The following RGS9 variants were observed in gnomAD, a reference collection of about 807,000 sequenced individuals.
The protein encoded by RGS9 is regulator of G-protein signalling 9.
A neutral mutation model predicts 102.0 loss-of-function variants in RGS9; 78 were observed. That is an observed-to-expected ratio of 0.76 (90% CI 0.64 to 0.92). The LOEUF (loss-of-function observed/expected upper bound fraction) is 0.92, where lower values mean the gene tolerates loss of function less well. Ranked by LOEUF, RGS9 falls within the 40% of genes least tolerant of loss-of-function variation. The pLI, the probability that RGS9 is intolerant of heterozygous loss-of-function variation, is 0.00. For missense variants in RGS9, 833 were observed against 866.1 expected, an observed-to-expected ratio of 0.96 and a Z score of 0.48; for synonymous variants, 353 against 318.6, an observed-to-expected ratio of 1.11 and a Z score of -1.15.
At chr17:65,157,748 T>C (rs545419185) in intron 2 of RGS9, among the ~76,000 whole-genome samples, 1 of 152,020 alleles carries the variant, frequency 6.6e-6, no homozygotes, top group Non-Finnish European at 1.5e-5. Flanking sequence ...AGGTTCAAGT[T>C]TAGAAGTTTC....
At chr17:65,186,144 G>T (rs16960906) in intron 9 of RGS9, among the ~76,000 whole-genome samples, 2,733 of 151,842 alleles carry the variant, frequency 0.018, 85 homozygotes, top group African/African-American at 0.062. Context: ...TACGGCTCTA[G>T]TTCACTTTTG....
At chr17:65,210,353 A>C in intron 16 of RGS9, 135 bp from the exon 17 acceptor site, 1 of 1,092,612 alleles carries the variant, frequency 9.2e-7, no homozygotes, top group Non-Finnish European at 1.4e-6. Context: ...ACCCCACTGG[A>C]GGTTCACTGG....
At position 65,210,508 on chromosome 17, in the gene RGS9, G is replaced by A. The variant is rs775121915; in HGVS notation, c.1310G>A (p.Arg437Gln). 8.7e-6 allele frequency: 14 copies of A among 1,613,360 alleles called. No individual in the cohort carries two copies. Among genetic ancestry groups the A allele is most frequent in the African/African-American group, 2.7e-5 (2 of 74,836 alleles). The change falls in exon 17 of 19, where the codon CGG (arginine) becomes CAG (glutamine). Residue 437 changes from arginine to glutamine, a missense_variant. Physicochemically the swap from Arg to Gln is conservative, Grantham distance 43 (BLOSUM62 1). This residue lies in a region of RGS9 where 185 missense variants were observed against 248.7 expected (regional missense o/e 0.74). Coordinates refer to ENST00000262406, the MANE Select transcript of RGS9 (RefSeq NM_003835.4). Reference sequence around the variant, plus strand: ...TCCAGCTCCACCCTCCCTTTTATGCGGCGTCACCTGCGCTCCAGCCCAAGC... The same window carrying A: ...TCCAGCTCCACCCTCCCTTTTATGCAGCGTCACCTGCGCTCCAGCCCAAGC... ...TKKSSTLPFM[R>Q]RHLRSSPSPV... is the part of the protein sequence containing the mutation.
intron 1 of RGS9, among the ~76,000 whole-genome samples, chr17:65,139,001 T>A: frequency 9.4e-6 from 1 of 106,802 alleles, no homozygotes; most frequent in African/African-American, 4.2e-5. Flanking sequence ...CACCCCAGCA[T>A]CCCCTCCTCC....
intron 8 of RGS9, among the ~76,000 whole-genome samples, chr17:65,171,092 C>T (rs557533387): frequency 2.6e-5 from 4 of 152,266 alleles, no homozygotes; most frequent in East Asian, 1.9e-4. Context: ...TGGAGTGTCG[C>T]GGCCACTCCG....
In RGS9 at chr17:65,160,246, G is replaced by A. The variant is rs1449787825; in HGVS notation, c.219G>A (p.Leu73=). ...TGCTTTTCCCAGAGGCACAGAACTT[G>A]GGCAACTTTATTGTCAGGTATGGCT... The part of the protein sequence containing the change: ...LWISSLEAQN[L]GNFIVRYGYI... Residue 73 remains leucine, a synonymous_variant, in exon 4 of 19, where the codon TTG becomes TTA. Coordinates refer to ENST00000262406, the MANE Select transcript of RGS9 (RefSeq NM_003835.4). 1 of 1,613,948 alleles carries A rather than the reference G, an allele frequency of 6.2e-7. No homozygotes were observed. The highest frequency in any genetic ancestry group is 1.1e-5 in the South Asian group (1 of 91,078).
chr17:65,139,108 C>CTACA (rs1910045765), intron 1 of RGS9, among the ~76,000 whole-genome samples: 1 of 40,872 alleles, frequency 2.4e-5, no homozygotes, highest in Non-Finnish European at 5.6e-5. Context: ...GCTCTCCCCC[C>CTACA]TCCACCCCAC....
chr17:65,174,440 T>C (rs1376524623), intron 8 of RGS9, among the ~76,000 whole-genome samples: 2 of 152,052 alleles, frequency 1.3e-5, no homozygotes, highest in Non-Finnish European at 2.9e-5. Flanking sequence ...TGCGAGTGTG[T>C]GTACATGTGT....
At chr17:65,204,029 G>A (rs1912950992) in intron 14 of RGS9, 134 bp from the exon 15 acceptor site, 7 of 947,658 alleles carry the variant, frequency 7.4e-6, no homozygotes, top group Middle Eastern at 3.2e-4. Context: ...ATGCTCTTTA[G>A]TGTCTCCTAA....
chr17:65,215,804 G>C (rs539331110), intron 17 of RGS9, among the ~76,000 whole-genome samples: 1 of 152,008 alleles, frequency 6.6e-6, no homozygotes, highest in Non-Finnish European at 1.5e-5. Flanking sequence ...CAAGTGATCC[G>C]CTGGCCTCGG....
intron 9 of RGS9, among the ~76,000 whole-genome samples, chr17:65,187,464 T>A (rs1362020481): frequency 6.6e-6 from 1 of 152,120 alleles, no homozygotes; most frequent in Non-Finnish European, 1.5e-5. Context: ...TGAAAAGCAA[T>A]GATAGAAGAG....
At chr17:65,215,529 T>TTTC (rs1261213236) in intron 17 of RGS9, among the ~76,000 whole-genome samples, 1 of 140,744 alleles carries the variant, frequency 7.1e-6, no homozygotes, top group African/African-American at 3.0e-5. Context: ...TCTTTCTTTC[T>TTTC]TTCTTTCTTT....
At chr17:65,224,905 G>A (rs60829660) in intron 17 of RGS9, 97 bp from the exon 18 acceptor site, 20 of 1,536,354 alleles carry the variant, frequency 1.3e-5, no homozygotes, top group East Asian at 1.1e-4. Context: ...CACTCTTGTC[G>A]CTGGAAGGGG....
chr17:65,175,490 T>G (rs979947535), intron 8 of RGS9, among the ~76,000 whole-genome samples: 1 of 152,148 alleles, frequency 6.6e-6, no homozygotes, highest in Non-Finnish European at 1.5e-5. Flanking sequence ...AATTTATCCT[T>G]TGTGTGATTA....
chr17:65,225,649 C>G, intron 18 of RGS9, 163 bp downstream of exon 18: 1 of 943,052 alleles, frequency 1.1e-6, no homozygotes, highest in Non-Finnish European at 1.6e-6. Flanking sequence ...TTCAGAAACT[C>G]AGTTTTGTCC....
At chr17:65,215,695 G>A (rs1419517524) in intron 17 of RGS9, among the ~76,000 whole-genome samples, 1 of 119,364 alleles carries the variant, frequency 8.4e-6, no homozygotes, top group African/African-American at 4.6e-5. Context: ...CCAGTAGCTG[G>A]GATTACAGGC....
intron 17 of RGS9, among the ~76,000 whole-genome samples, chr17:65,216,316 GCAAA>G (rs1251215008): frequency 1.3e-5 from 2 of 152,156 alleles, no homozygotes; most frequent in Non-Finnish European, 2.9e-5. Context: ...CAACTACCAA[GCAAA>G]CAGAGAGACA....
At position 65,183,101 on chromosome 17, in the gene RGS9, T is replaced by TATCTATCTATCTATCCATCC. The variant is rs1479268031; in HGVS notation, c.654+5307_654+5308insTCTATCCATCCATCTATCTA. Among the ~76,000 whole-genome samples, 232 of 149,316 alleles carry TATCTATCTATCTATCCATCC rather than the reference T, an allele frequency of 1.6e-3. 1 individual carries two copies. Among genetic ancestry groups the TATCTATCTATCTATCCATCC allele is most frequent in the African/African-American group, 5.3e-3 (210 of 39,592 alleles). ...CTATCTATCTATCTATCTATCTATC[T>TATCTATCTATCTATCCATCC]ATCTATCTACCTACCTACCTACATA... On this transcript the variant is annotated intron_variant, in intron 9 of 18. Transcript: ENST00000262406.
At chr17:65,168,359 C>G (rs1164285402) in intron 8 of RGS9, 78 bp downstream of exon 8, 2 of 979,714 alleles carry the variant, frequency 2.0e-6, no homozygotes, top group Non-Finnish European at 3.2e-6. Flanking sequence ...ATACCTGTTG[C>G]CAACTCCTCT....
Sources: gnomAD v4.1 joint callset for allele counts (sites outside exome capture counted in the v4.1 genomes callset) on GRCh38, gnomAD v4.1.1 for gene constraint, gnomAD v4.1.1 regional missense constraint, MANE v1.5 for transcripts, NCBI Gene and HGNC (gene_info 2026-07-23, HGNC 2026-07-21) for gene names.